Variants in NCOA2 observed in about 807,000 individuals in gnomAD.
NCOA2 encodes class E basic helix-loop-helix protein 75.
A neutral mutation model predicts 145.1 loss-of-function variants in NCOA2; 21 were observed. The ratio of observed to expected loss-of-function variants is 0.14; its 90% CI spans 0.10 to 0.21. NCOA2 has a LOEUF of 0.21. Among genes scored for constraint, NCOA2 ranks in the 10% least tolerant of loss-of-function variants. The pLI, the probability that NCOA2 is intolerant of heterozygous loss-of-function variation, is 1.00. For synonymous variants in NCOA2, 619 were observed against 637.5 expected (o/e 0.97, Z 0.44); for missense variants, 1,472 against 1,837.6 (o/e 0.80, Z 3.64).
intron 1 of NCOA2, among the ~76,000 whole-genome samples, chr8:70,392,667 G>C (rs190944229): frequency 1.1e-4 from 16 of 152,082 alleles, no homozygotes; most frequent in African/African-American, 3.6e-4. Context: ...CTTTGTATTT[G>C]GTTTTGTTTT....
At chr8:70,126,155 CACTT>C (rs201220353) in intron 19 of NCOA2, among the ~76,000 whole-genome samples, 8 of 150,296 alleles carry the variant, frequency 5.3e-5, no homozygotes, top group Non-Finnish European at 8.9e-5. Context: ...TTAATGTAAG[CACTT>C]ACTTTATCAA....
chr8:70,216,548 A>G, intron 3 of NCOA2, 112 bp downstream of exon 3: 2 of 881,940 alleles, frequency 2.3e-6, no homozygotes, highest in East Asian at 2.4e-5. Flanking sequence ...TGTTAAGGAG[A>G]AAAACCAACT....
At chr8:70,379,195 A>C (rs1563824952) in intron 1 of NCOA2, among the ~76,000 whole-genome samples, 1 of 152,212 alleles carries the variant, frequency 6.6e-6, no homozygotes, top group Non-Finnish European at 1.5e-5. Flanking sequence ...ATTATCAAAA[A>C]TACTTACAAT....
intron 2 of NCOA2, among the ~76,000 whole-genome samples, chr8:70,283,387 A>G (rs187587851): frequency 6.6e-6 from 1 of 152,336 alleles, no homozygotes; most frequent in African/African-American, 2.4e-5. Context: ...CAGAGTCACA[A>G]CAGATTTCTA....
At chr8:70,190,073 C>G (rs1344413529) in intron 4 of NCOA2, among the ~76,000 whole-genome samples, 1 of 151,966 alleles carries the variant, frequency 6.6e-6, no homozygotes, top group African/African-American at 2.4e-5. Context: ...GCTAACAGGG[C>G]CTAATTAGTT....
chr8:70,311,417 C>T (rs1426514990), intron 1 of NCOA2, among the ~76,000 whole-genome samples: 1 of 151,950 alleles, frequency 6.6e-6, no homozygotes, highest in African/African-American at 2.4e-5. Context: ...AGTAATTTGT[C>T]AGAATTTCTT....
chr8:70,184,469 G>A (rs1037919787), intron 4 of NCOA2, among the ~76,000 whole-genome samples: 3 of 152,222 alleles, frequency 2.0e-5, no homozygotes, highest in South Asian at 2.1e-4. Flanking sequence ...TCCCTCCCAC[G>A]CAGAGTGCTG....
the NCOA2 span, among the ~76,000 whole-genome samples, chr8:70,453,105 G>A: frequency 4.6e-5 from 7 of 152,188 alleles, no homozygotes; most frequent in African/African-American, 1.7e-4. Flanking sequence ...CTTTTAAGTA[G>A]AACCTTCAGA....
intron 4 of NCOA2, among the ~76,000 whole-genome samples, chr8:70,206,699 C>T (rs2133712124): frequency 6.6e-6 from 1 of 152,270 alleles, no homozygotes; most frequent in Non-Finnish European, 1.5e-5. Context: ...TTACTACTCT[C>T]CTATCTAGCT....
At chr8:70,239,748 A>C (rs1821959763) in intron 2 of NCOA2, among the ~76,000 whole-genome samples, 1 of 152,224 alleles carries the variant, frequency 6.6e-6, no homozygotes, top group Admixed American at 6.5e-5. Context: ...ATTAAGAGAG[A>C]GAATTGTTCA....
chr8:70,199,256 T>C (rs1817648235), intron 4 of NCOA2, among the ~76,000 whole-genome samples: 1 of 151,928 alleles, frequency 6.6e-6, no homozygotes, highest in Non-Finnish European at 1.5e-5. Flanking sequence ...GAGGCCAGCC[T>C]GGCCAACATG....
intron 4 of NCOA2, among the ~76,000 whole-genome samples, chr8:70,212,066 C>CATATATATATAT (rs36215324): frequency 4.4e-4 from 63 of 144,350 alleles, no homozygotes; most frequent in East Asian, 3.3e-3. Context: ...CTTTGTGGCG[C>CATATATATATAT]ATATATATAT....
chr8:70,137,220 T>A (rs1809832707), intron 15 of NCOA2, among the ~76,000 whole-genome samples: 1 of 152,216 alleles, frequency 6.6e-6, no homozygotes. Context: ...TTTTTGTATT[T>A]TTAGCAGAGA....
chr8:70,451,787 A>G, the NCOA2 span, among the ~76,000 whole-genome samples: 2 of 152,186 alleles, frequency 1.3e-5, no homozygotes, highest in Non-Finnish European at 2.9e-5. Context: ...AAACTGTCTC[A>G]GTATGTCTGT....
At chr8:70,181,511 C>T (rs904000863) in intron 4 of NCOA2, among the ~76,000 whole-genome samples, 2 of 152,162 alleles carry the variant, frequency 1.3e-5, no homozygotes, top group Admixed American at 1.3e-4. Context: ...CCCATGTTTA[C>T]AGATCCCTGA....
rs539109793 is a variant in NCOA2 at position 70,266,835 on chromosome 8, A to G, written c.-20+29909T>C. 8.5e-5 allele frequency among the ~76,000 whole-genome samples: 13 copies of G among 152,352 alleles called. No individual in the cohort carries two copies. The South Asian group carries it at 2.3e-3, about 27-fold the overall frequency. The stretch of plus-strand genomic sequence containing the variant: ...ATGCCTATATATATACTACGCATGA[A>G]TTAAATACTGTTTTGCTCTTTTTGT... On this transcript the variant is annotated intron_variant, in intron 2 of 22. Transcript: ENST00000452400.
At chr8:70,175,259 T>C (rs573312015) in intron 4 of NCOA2, among the ~76,000 whole-genome samples, 19 of 152,214 alleles carry the variant, frequency 1.2e-4, no homozygotes, top group Non-Finnish European at 2.1e-4. Flanking sequence ...CACAGATAGA[T>C]TTGCACACAT....
At chr8:70,264,947 C>T (rs1824450236) in intron 2 of NCOA2, among the ~76,000 whole-genome samples, 1 of 151,934 alleles carries the variant, frequency 6.6e-6, no homozygotes, top group African/African-American at 2.4e-5. Flanking sequence ...TAAACAAATA[C>T]ACAAAGAGTA....
chr8:70,436,327 A>G, the NCOA2 span, among the ~76,000 whole-genome samples: 20,597 of 152,140 alleles, frequency 0.14, 1,593 homozygotes, highest in South Asian at 0.21. Context: ...TATATAGCCA[A>G]CGTTTATTAC....
Sources: allele counts gnomAD v4.1 joint callset (sites outside exome capture counted in the v4.1 genomes callset), GRCh38; gene constraint gnomAD v4.1.1; transcripts MANE v1.5; gene names NCBI Gene and HGNC (gene_info 2026-07-23, HGNC 2026-07-21).